Variants in SPTBN1 observed in about 807,000 individuals in gnomAD.
SPTBN1 encodes spectrin beta chain, non-erythrocytic 1.
SPTBN1 carries 32 observed loss-of-function variants against 266.4 expected under a neutral mutation model. That is an observed-to-expected ratio of 0.12 (90% CI 0.09 to 0.16). The LOEUF (loss-of-function observed/expected upper bound fraction) is 0.16. Ranked by LOEUF, SPTBN1 falls within the 10% of genes least tolerant of loss-of-function variation. The pLI, the probability that SPTBN1 is intolerant of heterozygous loss-of-function variation, is 1.00. For missense variants in SPTBN1, 2,296 were observed against 3,067.1 expected (o/e 0.75, Z 5.94); for synonymous variants, 1,336 against 1,162.2 (o/e 1.15, Z -3.04).
At chr2:54,651,060 A>G (rs536862900) in intron 26 of SPTBN1, among the ~76,000 whole-genome samples, 1 of 152,346 alleles carries the variant, frequency 6.6e-6, no homozygotes, top group East Asian at 1.9e-4. Context: ...AAAACATATG[A>G]CATAGTGAGA....
At chr2:54,643,866 G>A (rs1034329154) in intron 19 of SPTBN1, among the ~76,000 whole-genome samples, 11 of 152,136 alleles carry the variant, frequency 7.2e-5, no homozygotes, top group Non-Finnish European at 1.0e-4. Flanking sequence ...GCCTGTAATC[G>A]CAGCTATTGG....
chr2:54,608,783 T>G (rs1425703227), intron 3 of SPTBN1, among the ~76,000 whole-genome samples: 4 of 152,032 alleles, frequency 2.6e-5, no homozygotes, highest in African/African-American at 9.7e-5. Flanking sequence ...GCTGAAAATC[T>G]TCCTATGCAT....
At chr2:54,618,260 C>G (rs183081341) in intron 7 of SPTBN1, 67 bp downstream of exon 7, 1 of 1,348,046 alleles carries the variant, frequency 7.4e-7, no homozygotes, top group Non-Finnish European at 1.0e-6. Context: ...AATGTAAAAT[C>G]TGTTTTGTGT....
At chr2:54,592,610 A>G (rs984981572) in intron 2 of SPTBN1, among the ~76,000 whole-genome samples, 2 of 152,100 alleles carry the variant, frequency 1.3e-5, no homozygotes, top group Non-Finnish European at 2.9e-5. Flanking sequence ...GTCTCAAACT[A>G]CTTCTGACCT....
rs866099813 is a variant in SPTBN1 at position 54,568,170 on chromosome 2, C to G, written c.149-30922C>G. Among the ~76,000 whole-genome samples the G allele has an allele frequency of 1.5e-3, 235 of 152,004 alleles. No individual in the cohort carries two copies. In the Middle Eastern group the frequency reaches 0.017, roughly 11 times the overall value. ...CTGAGGCGGGCGGATCACCAGAGGT[C>G]GGGAGTTCGAGACCAGCCTGGCCAA... On this transcript the variant is annotated intron_variant, in intron 2 of 35. Coordinates refer to ENST00000356805, the MANE Select transcript of SPTBN1 (RefSeq NM_003128.3).
chr2:54,649,478 A>T lies in SPTBN1; in HGVS notation c.5203-137A>T, dbSNP rs145357020. The T allele has an allele frequency of 3.5e-5, 48 of 1,353,426 alleles. No homozygotes were observed. In the East Asian group the frequency reaches 1.1e-3, roughly 30 times the overall value. 83.8% of individuals were successfully genotyped at this position (1,353,426 alleles called of 1,614,324 possible). A position where few individuals can be genotyped will look rare whatever the true frequency, so the allele number is the denominator to read the frequency against. On this transcript the variant is annotated intron_variant, in intron 25 of 35. Coordinates refer to ENST00000356805, the MANE Select transcript of SPTBN1 (RefSeq NM_003128.3). The surrounding 1 kb of genome is among the most constrained non-coding windows in gnomAD (Gnocchi z 6.7). ...GTTGCTAAGAGGTTCTCGAGCTAAG[A>T]TCTATTGTTCTGAAGTCATGAGTAT...
At chr2:54,632,868 C>T in intron 17 of SPTBN1, 100 bp downstream of exon 17, 1 of 1,330,852 alleles carries the variant, frequency 7.5e-7, no homozygotes. Flanking sequence ...TATAAATTTC[C>T]CAGTGGGCAG....
chr2:54,486,464 G>A (rs1341926400), intron 1 of SPTBN1, among the ~76,000 whole-genome samples: 1 of 152,084 alleles, frequency 6.6e-6, no homozygotes, highest in African/African-American at 2.4e-5. Flanking sequence ...GTCCACTCAG[G>A]GGTCAATGGA....
chr2:54,658,698 T>C (rs892930711), intron 30 of SPTBN1, among the ~76,000 whole-genome samples: 1 of 152,224 alleles, frequency 6.6e-6, no homozygotes, highest in African/African-American at 2.4e-5. Context: ...GTTAGACTAT[T>C]CTGTGGCTTT....
Position 54,628,671 on chromosome 2 carries a change from T to G in SPTBN1, c.1799-262T>G, listed in dbSNP as rs1373603457. 1.3e-5 allele frequency among the ~76,000 whole-genome samples: 2 copies of G among 152,236 alleles called. No homozygotes were observed. The highest frequency in any genetic ancestry group is 2.9e-5 in the Non-Finnish European group (2 of 68,036). ...ATTATATGCAGCTGCCTTTTTCATA[T>G]GATTCAAGTGCTTTCTTGCAGGAGG... On this transcript the variant is annotated intron_variant, in intron 13 of 35. Coordinates refer to ENST00000356805, the MANE Select transcript of SPTBN1 (RefSeq NM_003128.3). The surrounding 1 kb of genome is among the most constrained non-coding windows in gnomAD (Gnocchi z 4.3).
chr2:54,520,448 A>G (rs543324193), intron 1 of SPTBN1: 1 of 152,176 alleles, frequency 6.6e-6, no homozygotes, highest in Non-Finnish European at 1.5e-5. Flanking sequence ...TTCCACATCC[A>G]TTTCTGCCTT....
intron 2 of SPTBN1, among the ~76,000 whole-genome samples, chr2:54,582,341 G>A (rs1440943028): frequency 1.3e-5 from 2 of 152,048 alleles, no homozygotes; most frequent in Admixed American, 1.3e-4. Flanking sequence ...CTCCTTGAAG[G>A]TGCAAGATGA....
At chr2:54,495,886 G>T (rs1309501259) in intron 1 of SPTBN1, among the ~76,000 whole-genome samples, 3 of 152,020 alleles carry the variant, frequency 2.0e-5, no homozygotes, top group Non-Finnish European at 4.4e-5. Context: ...GTAAATCAAA[G>T]AATATAGTTA....
chr2:54,579,725 G>A (rs1674748344), intron 2 of SPTBN1, among the ~76,000 whole-genome samples: 1 of 152,194 alleles, frequency 6.6e-6, no homozygotes, highest in African/African-American at 2.4e-5. Context: ...GTAAGTCTTA[G>A]GAGAATTGAT....
intron 2 of SPTBN1, among the ~76,000 whole-genome samples, chr2:54,591,531 A>G (rs1300785620): frequency 6.6e-6 from 1 of 152,210 alleles, no homozygotes; most frequent in Non-Finnish European, 1.5e-5. Flanking sequence ...AAGTAAAAGA[A>G]AGATTCCTTC....
chr2:54,659,997 C>A lies in SPTBN1; in HGVS notation c.6418C>A (p.Arg2140=). Residue 2140 remains arginine, a splice_region_variant and synonymous_variant, in exon 32 of 36, where the codon CGG becomes AGG. Coordinates refer to ENST00000356805, the MANE Select transcript of SPTBN1 (RefSeq NM_003128.3). ...TTTGCCAGCTGAACAGGGATCTCCA[C>A]GGGTTAGTTACCGCTCTCAAACCTA... ...NGLPAEQGSP[R]MAETVDTSEM... is the part of the protein sequence containing the mutation. 1 of 1,614,168 alleles carries A rather than the reference C, an allele frequency of 6.2e-7. No individual in the cohort carries two copies. The highest frequency in any genetic ancestry group is 8.5e-7 in the Non-Finnish European group (1 of 1,180,048).
intron 16 of SPTBN1, 24 bp from the exon 17 acceptor site, chr2:54,632,542 G>C: frequency 6.2e-7 from 1 of 1,611,954 alleles, no homozygotes. Context: ...GATCTGCTAT[G>C]ATTTGTTCCT....
intron 2 of SPTBN1, among the ~76,000 whole-genome samples, chr2:54,531,129 G>A (rs1057060337): frequency 6.6e-6 from 1 of 152,180 alleles, no homozygotes; most frequent in Non-Finnish European, 1.5e-5. Flanking sequence ...TAAACATAAA[G>A]GGGAAATTGT....
At chr2:54,603,677 A>G (rs1284280448) in intron 3 of SPTBN1, among the ~76,000 whole-genome samples, 4 of 152,178 alleles carry the variant, frequency 2.6e-5, no homozygotes, top group Admixed American at 6.5e-5. Flanking sequence ...TCAAAGTTTC[A>G]TGTGTTGGGA....
Sources: gnomAD v4.1 joint callset for allele counts (sites outside exome capture counted in the v4.1 genomes callset) on GRCh38, gnomAD v4.1.1 for gene constraint, Gnocchi (gnomAD v3.1) non-coding constraint, MANE v1.5 for transcripts, NCBI Gene and HGNC (gene_info 2026-07-23, HGNC 2026-07-21) for gene names.